PPIL1: variants seen among roughly 807,000 people sequenced by gnomAD.
The protein encoded by PPIL1 is peptidyl-prolyl cis-trans isomerase-like 1.
PPIL1 carries 14 observed loss-of-function variants against 19.4 expected under a neutral mutation model. The ratio of observed to expected loss-of-function variants is 0.72; its 90% CI spans 0.48 to 1.13. The LOEUF is 1.13. Ranked by LOEUF, PPIL1 falls within the 50% of genes most tolerant of loss-of-function variation. The pLI, the probability that PPIL1 is intolerant of heterozygous loss-of-function variation, is 0.00. For synonymous variants in PPIL1, 72 were observed against 73.6 expected (o/e 0.98, Z 0.11); for missense variants, 192 against 218.0 (o/e 0.88, Z 0.75).
At chr6:36,871,357 G>C (rs1331561408) in intron 2 of PPIL1, among the ~76,000 whole-genome samples, 3 of 152,154 alleles carry the variant, frequency 2.0e-5, no homozygotes, top group Non-Finnish European at 4.4e-5. Context: ...AAGAACCCAG[G>C]ATTTTATTAT....
Position 36,871,947 on chromosome 6 carries a change from G to A in PPIL1, c.57-75C>T, listed in dbSNP as rs975966288. Reference sequence around the variant, plus strand: ...ACAGGAGTATTATGGAACTGCTCCAGGACTCTTGATTTTCAAGCTTGTAAG... The same window carrying A: ...ACAGGAGTATTATGGAACTGCTCCAAGACTCTTGATTTTCAAGCTTGTAAG... On this transcript the variant is annotated intron_variant, in intron 1 of 3. Transcript: ENST00000373699. 24 of 1,313,156 alleles carry A rather than the reference G, an allele frequency of 1.8e-5. No homozygotes were observed. The African/African-American group carries it at 3.1e-4, about 17-fold the overall frequency. 81.3% of individuals were successfully genotyped at this position (1,313,156 alleles called of 1,614,324 possible). A position where few individuals can be genotyped will look rare whatever the true frequency, so the allele number is the denominator to read the frequency against.
At chr6:36,864,309 C>T (rs927312153) in intron 2 of PPIL1, among the ~76,000 whole-genome samples, 2 of 152,072 alleles carry the variant, frequency 1.3e-5, no homozygotes, top group African/African-American at 2.4e-5. Context: ...GCTTACAACA[C>T]CCCCCACGAT....
chr6:36,856,614 A>T lies in PPIL1; in HGVS notation c.252T>A (p.Asp84Glu). ...TGAATTTCAAGTCTGGATGAAGTTC[A>T]TCTTCAAACTGTTTGCCATAGATAG... ...GASIYGKQFE[D>E]ELHPDLKFTG... Residue 84 changes from aspartate (D) to glutamate (E), a missense_variant, in exon 3 of 4, where the codon GAT becomes GAA. Transcript: ENST00000373699. 3.7e-6 allele frequency: 6 copies of T among 1,614,224 alleles called. No individual in the cohort carries two copies. The highest frequency in any genetic ancestry group is 5.1e-6 in the Non-Finnish European group (6 of 1,180,028).
chr6:36,869,331 C>A (rs1774460748), intron 2 of PPIL1, among the ~76,000 whole-genome samples: 1 of 152,152 alleles, frequency 6.6e-6, no homozygotes, highest in Admixed American at 6.6e-5. Context: ...GTTGTGGAGG[C>A]TGAGAAGTCC....
rs569904820 is a variant in PPIL1, at chr6:36,855,022, T to C, written c.*791A>G. The C allele has an allele frequency of 6.5e-6, 1 of 152,678 alleles. No homozygotes were observed. The highest frequency in any genetic ancestry group is 1.5e-5 in the Non-Finnish European group (1 of 68,040). The allele number at this position is 152,678 out of a possible 1,614,324, so 9.5% of individuals were successfully genotyped here. A position where few individuals can be genotyped will look rare whatever the true frequency, so the allele number is the denominator to read the frequency against. ...GAACTTGAGTGGCGCTTCTCCTTTC[T>C]GAGAGTACTACTTCTCAAGGAGGAT... On this transcript the variant is annotated 3_prime_UTR_variant, in exon 4 of 4. Coordinates refer to ENST00000373699, the MANE Select transcript of PPIL1 (RefSeq NM_016059.5).
chr6:36,860,628 C>T (rs941636222), intron 2 of PPIL1, among the ~76,000 whole-genome samples: 1 of 152,064 alleles, frequency 6.6e-6, no homozygotes, highest in Non-Finnish European at 1.5e-5. Flanking sequence ...CCCACTGCAT[C>T]TCTCCCCACC....
intron 1 of PPIL1, among the ~76,000 whole-genome samples, chr6:36,872,269 G>C (rs1417846673): frequency 6.6e-6 from 1 of 151,850 alleles, no homozygotes; most frequent in African/African-American, 2.4e-5. Flanking sequence ...TAAAATATCA[G>C]GAGTTCATAT....
intron 2 of PPIL1, among the ~76,000 whole-genome samples, chr6:36,861,462 C>G (rs35423793): frequency 0.2 from 30,557 of 152,142 alleles, 3,355 homozygotes; most frequent in East Asian, 0.28. Context: ...CCTGCTCGCT[C>G]AAGTCCCGCT....
chr6:36,874,037 G>A (rs950126701), intron 1 of PPIL1, among the ~76,000 whole-genome samples: 2 of 152,240 alleles, frequency 1.3e-5, no homozygotes, highest in Non-Finnish European at 2.9e-5. Flanking sequence ...GGTGAGACGA[G>A]CACACCAGGC....
At chr6:36,871,559 G>A (rs529416244) in intron 2 of PPIL1, among the ~76,000 whole-genome samples, 159 bp downstream of exon 2, 71 of 152,030 alleles carry the variant, frequency 4.7e-4, no homozygotes, top group African/African-American at 1.7e-3. Flanking sequence ...GTTGTCACCA[G>A]AATCAACCAA....
rs1439271826 is a variant in PPIL1 at position 36,856,040 on chromosome 6, G to A, written c.281-7C>T. ...ATTGCGAGAATTCCAGCCCCTGGTG[G>A]GAAAAAGGAAGAAAGGAAAGAGTAT... On this transcript the variant is annotated splice_region_variant and splice_polypyrimidine_tract_variant and intron_variant, in intron 3 of 3. Transcript: ENST00000373699. 40 of 1,612,958 alleles carry A rather than the reference G, an allele frequency of 2.5e-5. No homozygotes were observed. The highest frequency in any genetic ancestry group is 1.6e-4 in the Middle Eastern group (1 of 6,062).
intron 1 of PPIL1, 115 bp from the exon 2 acceptor site, chr6:36,871,987 T>A: frequency 1.0e-6 from 1 of 973,044 alleles, no homozygotes; most frequent in Non-Finnish European, 1.4e-6. Context: ...GAAATTGTGA[T>A]AACCACTGGA....
rs141402186 is a variant in PPIL1, at chr6:36,870,231, C to T, written c.211+1487G>A. ...AGAGAAAACCAAACTTGTTTAAAGG[C>T]AAACGAGCAGAAATTAGCAGAGAAG... On this transcript the variant is annotated intron_variant, in intron 2 of 3. Coordinates refer to ENST00000373699, the MANE Select transcript of PPIL1 (RefSeq NM_016059.5). 6.6e-3 allele frequency among the ~76,000 whole-genome samples: 997 copies of T among 152,212 alleles called. 10 individuals are homozygous for T. Among genetic ancestry groups the T allele is most frequent in the African/African-American group, 0.021 (880 of 41,514 alleles).
In PPIL1 at chr6:36,858,045, T is replaced by C. The variant is rs138504399; in HGVS notation, c.212-1391A>G. Reference sequence around the variant, plus strand: ...GAGTTCGAGACCAGCCTGGCCAACATAGTGAAACCCCCATCTCTACTAAAA... The same window carrying C: ...GAGTTCGAGACCAGCCTGGCCAACACAGTGAAACCCCCATCTCTACTAAAA... On this transcript the variant is annotated intron_variant, in intron 2 of 3. Transcript: ENST00000373699. Among the ~76,000 whole-genome samples the C allele has an allele frequency of 0.023, 3,507 of 151,254 alleles. 225 individuals carry two copies. In the East Asian group the frequency reaches 0.26, roughly 11 times the overall value.
intron 2 of PPIL1, among the ~76,000 whole-genome samples, chr6:36,869,858 C>T (rs1774472020): frequency 1.3e-5 from 2 of 152,174 alleles, no homozygotes; most frequent in Admixed American, 6.5e-5. Flanking sequence ...GTAATATGTT[C>T]TGTTTTAAAA....
intron 2 of PPIL1, among the ~76,000 whole-genome samples, chr6:36,860,799 GTT>G (rs1267635621): frequency 4.3e-4 from 61 of 142,288 alleles, no homozygotes; most frequent in Admixed American, 6.3e-4. Context: ...TGTTTTGCAT[GTT>G]TTTAAGCTTT....
At chr6:36,861,444 C>A (rs1583109677) in intron 2 of PPIL1, among the ~76,000 whole-genome samples, 3 of 152,136 alleles carry the variant, frequency 2.0e-5, no homozygotes, top group African/African-American at 7.2e-5. Context: ...CCCTGTGACA[C>A]CAAAATCCCT....
intron 2 of PPIL1, among the ~76,000 whole-genome samples, chr6:36,868,960 C>T (rs1294411443): frequency 6.6e-6 from 1 of 151,790 alleles, no homozygotes; most frequent in Admixed American, 6.6e-5. Flanking sequence ...GTCTTTTTTT[C>T]TTCCTTTTAA....
chr6:36,859,140 A>G (rs1367008074), intron 2 of PPIL1, among the ~76,000 whole-genome samples: 2 of 152,144 alleles, frequency 1.3e-5, no homozygotes, highest in Admixed American at 6.5e-5. Flanking sequence ...CAAGAGTCAC[A>G]GATGGGCTGG....
Sources: gnomAD v4.1 joint callset for allele counts (sites outside exome capture counted in the v4.1 genomes callset) on GRCh38, gnomAD v4.1.1 for gene constraint, MANE v1.5 for transcripts, NCBI Gene and HGNC (gene_info 2026-07-23, HGNC 2026-07-21) for gene names.